PPP2R2B: variants seen among roughly 807,000 people sequenced by gnomAD.
PPP2R2B encodes serine/threonine-protein phosphatase 2A 55 kDa regulatory subunit B beta isoform.
Under a neutral mutation model 46.0 loss-of-function variants are expected in PPP2R2B, and 5 were observed. The ratio of observed to expected loss-of-function variants is 0.11; its 90% CI spans 0.06 to 0.23. PPP2R2B has a LOEUF of 0.23. PPP2R2B is among the 10% of genes least tolerant of loss of function. PPP2R2B has a pLI of 1.00. For missense variants in PPP2R2B, 367 were observed against 575.0 expected, an observed-to-expected ratio of 0.64 and a Z score of 3.70; for synonymous variants, 215 against 206.7, an observed-to-expected ratio of 1.04 and a Z score of -0.34.
At chr5:146,651,204 T>C (rs1318811202) in intron 5 of PPP2R2B, among the ~76,000 whole-genome samples, 1 of 152,204 alleles carries the variant, frequency 6.6e-6, no homozygotes, top group Non-Finnish European at 1.5e-5. Context: ...TTGTCCTTAA[T>C]CCTTAAGGGC....
At chr5:146,757,522 T>G (rs1753907055) in intron 2 of PPP2R2B, among the ~76,000 whole-genome samples, 1 of 152,012 alleles carries the variant, frequency 6.6e-6, no homozygotes, top group African/African-American at 2.4e-5. Context: ...GAAGCCCCAT[T>G]TGAGGTGACT....
chr5:146,789,965 G>T (rs1368701419), intron 2 of PPP2R2B, among the ~76,000 whole-genome samples: 3 of 152,168 alleles, frequency 2.0e-5, no homozygotes, highest in African/African-American at 7.2e-5. Context: ...TGGGTAGAGG[G>T]GCAAAGTCTC....
intron 2 of PPP2R2B, among the ~76,000 whole-genome samples, chr5:146,811,200 A>G (rs562348217): frequency 6.6e-6 from 1 of 152,248 alleles, no homozygotes; most frequent in Admixed American, 6.5e-5. Flanking sequence ...GGGTTTCACC[A>G]TGTTGGCCAG....
chr5:146,739,873 T>C (rs1432148625), intron 2 of PPP2R2B, among the ~76,000 whole-genome samples: 1 of 152,228 alleles, frequency 6.6e-6, no homozygotes, highest in East Asian at 1.9e-4. Context: ...ATAATGTCTG[T>C]GGGAATCCTT....
chr5:146,702,163 T>C (rs1469645545), intron 2 of PPP2R2B, among the ~76,000 whole-genome samples: 1 of 151,550 alleles, frequency 6.6e-6, no homozygotes, highest in Admixed American at 6.6e-5. Context: ...AACAGTGAGG[T>C]GGAAAACTAA....
At chr5:146,764,673 C>T (rs1754364659) in intron 2 of PPP2R2B, among the ~76,000 whole-genome samples, 2 of 152,154 alleles carry the variant, frequency 1.3e-5, no homozygotes, top group Non-Finnish European at 2.9e-5. Flanking sequence ...CATAGGCAAC[C>T]TCAGTGGGAA....
chr5:146,734,685 C>T (rs1003894096), intron 2 of PPP2R2B, among the ~76,000 whole-genome samples: 1 of 152,140 alleles, frequency 6.6e-6, no homozygotes, highest in African/African-American at 2.4e-5. Context: ...GATGCAGCAT[C>T]TTTCAAACTG....
At chr5:146,711,691 T>G (rs17105201) in intron 2 of PPP2R2B, among the ~76,000 whole-genome samples, 1 of 151,906 alleles carries the variant, frequency 6.6e-6, no homozygotes, top group African/African-American at 2.4e-5. Flanking sequence ...ATTTAATGAA[T>G]GCCTATTATG....
At chr5:146,594,449 C>CTGTT (rs1451673380) in intron 8 of PPP2R2B, among the ~76,000 whole-genome samples, 1 of 152,208 alleles carries the variant, frequency 6.6e-6, no homozygotes, top group African/African-American at 2.4e-5. Context: ...CCTGGGTTCT[C>CTGTT]TGTTTTGAAG....
rs965659495 is a variant in PPP2R2B, at chr5:146,593,056, C to T, written c.967G>A (p.Asp323Asn). The change falls in exon 9 of 10, where the codon GAC (aspartate) becomes AAC (asparagine). Residue 323 changes from aspartate (D) to asparagine (N), a missense_variant. Transcript: ENST00000394411. ...NRPIETYQVH[D>N]YLRSKLCSLY... is the part of the protein sequence containing the mutation. Reference sequence around the variant, plus strand: ...GAACACAGCTTGCTGCGGAGGTAGTCATGAACCTGGAGAGGAAACATATCG... The same window carrying T: ...GAACACAGCTTGCTGCGGAGGTAGTTATGAACCTGGAGAGGAAACATATCG... 3.7e-6 allele frequency: 6 copies of T among 1,612,064 alleles called. No homozygotes were observed. Among genetic ancestry groups the T allele is most frequent in the Non-Finnish European group, 5.1e-6 (6 of 1,178,076 alleles).
chr5:146,962,440 C>T lies in PPP2R2B; in HGVS notation c.79+93225G>A, dbSNP rs147547499. Among the ~76,000 whole-genome samples the T allele has an allele frequency of 7.3e-3, 1,114 of 151,738 alleles. 12 individuals carry two copies. The highest frequency in any genetic ancestry group is 0.026 in the African/African-American group (1,066 of 41,384). ...TTGGGAGACCAAGGCGGGTGGATCA[C>T]GAGGTCAGGAGTTCGAGACTAGCCT... On this transcript the variant is annotated intron_variant, in intron 1 of 8. Transcript: ENST00000336640.
intron 7 of PPP2R2B, among the ~76,000 whole-genome samples, chr5:146,608,468 G>C (rs1323569505): frequency 6.6e-6 from 1 of 152,142 alleles, no homozygotes; most frequent in African/African-American, 2.4e-5. Flanking sequence ...TTATTTGCCT[G>C]GTTATAAAAA....
intron 1 of PPP2R2B, among the ~76,000 whole-genome samples, chr5:146,955,703 G>C (rs1373051392): frequency 1.3e-5 from 2 of 151,720 alleles, no homozygotes; most frequent in Admixed American, 1.3e-4. Flanking sequence ...CTGCATGGAA[G>C]AGGTTACAGA....
At chr5:147,035,157 T>G (rs961824893) in intron 1 of PPP2R2B, 1 of 454,694 alleles carries the variant, frequency 2.2e-6, no homozygotes, top group Non-Finnish European at 4.4e-6. Context: ...AAGAAAAGTT[T>G]AATTGACTCA....
intron 1 of PPP2R2B, among the ~76,000 whole-genome samples, chr5:146,963,796 T>G (rs972837193): frequency 3.9e-5 from 6 of 152,238 alleles, no homozygotes; most frequent in Non-Finnish European, 8.8e-5. Context: ...TCTAAAATTC[T>G]GGCTTTGTTT....
chr5:146,639,120 C>T (rs553718509), intron 6 of PPP2R2B, among the ~76,000 whole-genome samples: 6 of 152,328 alleles, frequency 3.9e-5, no homozygotes, highest in East Asian at 1.9e-4. Context: ...GGCTAAGTGA[C>T]AACACTAGGA....
rs140107034 is a variant in PPP2R2B at position 146,889,442 on chromosome 5, C to T, written c.79+166223G>A. Among the ~76,000 whole-genome samples, 3 of 152,158 alleles carry T rather than the reference C, an allele frequency of 2.0e-5. No homozygotes were observed. The South Asian group carries it at 6.2e-4, about 32-fold the overall frequency. On this transcript the variant is annotated intron_variant, in intron 1 of 8. Transcript: ENST00000336640. ...TATATAATCAGTCAATCCATCATGT[C>T]TACATAATTGAGCTCTAATAAAAAC...
intron 2 of PPP2R2B, among the ~76,000 whole-genome samples, chr5:146,767,836 T>C (rs1754583773): frequency 6.6e-6 from 1 of 152,170 alleles, no homozygotes; most frequent in African/African-American, 2.4e-5. Flanking sequence ...TCTACCACTA[T>C]AGAATCATAT....
At chr5:146,706,180 C>A (rs985397182) in intron 2 of PPP2R2B, among the ~76,000 whole-genome samples, 1 of 152,110 alleles carries the variant, frequency 6.6e-6, no homozygotes, top group African/African-American at 2.4e-5. Context: ...GTAGGAGGGG[C>A]AGGCTGGGAG....
Sources: gnomAD v4.1 joint callset for allele counts (sites outside exome capture counted in the v4.1 genomes callset) on GRCh38, gnomAD v4.1.1 for gene constraint, MANE v1.5 for transcripts, NCBI Gene and HGNC (gene_info 2026-07-23, HGNC 2026-07-21) for gene names.